Variants in ST3GAL2 observed in about 807,000 individuals in gnomAD.
ST3GAL2 encodes the protein ST3 beta-galactoside alpha-2,3-sialyltransferase 2.
In ST3GAL2, 16 loss-of-function variants were observed where a neutral mutation model predicts 37.5. That is an observed-to-expected ratio of 0.43 (90% CI 0.29 to 0.65). ST3GAL2 has a LOEUF of 0.65. Ranked by LOEUF, ST3GAL2 falls within the 30% of genes least tolerant of loss-of-function variation. The probability of loss-of-function intolerance (pLI) is 0.17; values close to 1 mark genes in which losing one functional copy is unlikely to be tolerated. For synonymous variants in ST3GAL2, 238 were observed against 202.9 expected (o/e 1.17, Z -1.47); for missense variants, 383 against 487.8 (o/e 0.79, Z 2.02).
intron 1 of ST3GAL2, among the ~76,000 whole-genome samples, chr16:70,401,713 G>T (rs967018438): frequency 2.6e-5 from 4 of 152,068 alleles, no homozygotes; most frequent in African/African-American, 7.2e-5. Context: ...CTCGGAGGAG[G>T]CAGGCCCAAT....
At chr16:70,415,862 G>A (rs1011008537) in intron 1 of ST3GAL2, among the ~76,000 whole-genome samples, 5 of 117,606 alleles carry the variant, frequency 4.3e-5, no homozygotes, top group Non-Finnish European at 8.6e-5. Flanking sequence ...CGCAACCTCC[G>A]CCTCCCGGGT....
chr16:70,379,762 C>CA lies in ST3GAL2; in HGVS notation c.*1926dup, dbSNP rs2047382210. 6.6e-6 allele frequency: 1 copy of CA among 151,870 alleles called. No individual in the cohort carries two copies. Among genetic ancestry groups the CA allele is most frequent in the Non-Finnish European group, 1.5e-5 (1 of 68,056 alleles). 9.4% of individuals were successfully genotyped at this position (151,870 alleles called of 1,614,324 possible). On this transcript the variant is annotated 3_prime_UTR_variant, in exon 7 of 7. Coordinates refer to ENST00000342907, the MANE Select transcript of ST3GAL2 (RefSeq NM_006927.4). ...TCAGCCTTCCAAGTAGCTGGGATTA[C>CA]AGGTGCGCACCACTGCGCCTGGCTA...
In ST3GAL2 at chr16:70,396,119, G is replaced by A. The variant is rs1047120348; in HGVS notation, c.340-944C>T. ...CCCGAGTAGCTGCAATTACAGGCAT[G>A]CTTCACCATACCCTACTAATTTTGT... On this transcript the variant is annotated intron_variant, in intron 2 of 6. Coordinates refer to ENST00000342907, the MANE Select transcript of ST3GAL2 (RefSeq NM_006927.4). Among the ~76,000 whole-genome samples, 4 of 151,972 alleles carry A rather than the reference G, an allele frequency of 2.6e-5. No individual in the cohort carries two copies. The South Asian group carries it at 8.3e-4, about 32-fold the overall frequency.
At chr16:70,388,284 G>A in intron 4 of ST3GAL2, 83 bp downstream of exon 4, 1 of 1,560,740 alleles carries the variant, frequency 6.4e-7, no homozygotes, top group Non-Finnish European at 8.7e-7. Flanking sequence ...TCAATGAAAG[G>A]AATCCTACAA....
chr16:70,376,945 C>A lies in ST3GAL2; in HGVS notation c.*4744G>T, dbSNP rs1054862964. The A allele has an allele frequency of 2.0e-5, 3 of 151,604 alleles. No homozygotes were observed. The highest frequency in any genetic ancestry group is 2.0e-4 in the East Asian group (1 of 5,110). The allele number at this position is 151,604 out of a possible 1,614,324, so 9.4% of individuals were successfully genotyped here. On this transcript the variant is annotated 3_prime_UTR_variant, in exon 7 of 7. Coordinates refer to ENST00000342907, the MANE Select transcript of ST3GAL2 (RefSeq NM_006927.4). ...TTTAGTAGAGACGGGGTTTCACCAT[C>A]TTGGCCAGGCTGGTCTTGAACTCCT... is the stretch of plus-strand genomic sequence containing the variant.
intron 1 of ST3GAL2, among the ~76,000 whole-genome samples, chr16:70,403,627 C>A (rs1013967581): frequency 1.3e-5 from 2 of 152,222 alleles, no homozygotes; most frequent in Non-Finnish European, 2.9e-5. Flanking sequence ...TCCTGGCCAA[C>A]ATGGCGAAAC....
chr16:70,397,288 G>T (rs184177923), intron 2 of ST3GAL2, among the ~76,000 whole-genome samples: 2 of 150,836 alleles, frequency 1.3e-5, no homozygotes, highest in Admixed American at 1.3e-4. Context: ...TGATCCGTCC[G>T]CCCTGTGCTC....
At chr16:70,417,524 C>T (rs1024800800) in intron 1 of ST3GAL2, among the ~76,000 whole-genome samples, 21 of 152,262 alleles carry the variant, frequency 1.4e-4, no homozygotes, top group African/African-American at 4.8e-4. Context: ...AGAGGCCTGA[C>T]CTGAGCTGGC....
At chr16:70,388,790 G>T (rs945518536) in intron 3 of ST3GAL2, among the ~76,000 whole-genome samples, 3 of 151,984 alleles carry the variant, frequency 2.0e-5, no homozygotes, top group Non-Finnish European at 2.9e-5. Context: ...GGCCAGGTGT[G>T]GTGGCTCACA....
intron 2 of ST3GAL2, 124 bp downstream of exon 2, chr16:70,398,068 T>C (rs2047528994): frequency 3.0e-6 from 3 of 984,562 alleles, no homozygotes; most frequent in Admixed American, 5.2e-5. Context: ...TAATCTGTGA[T>C]CCTATAAATG....
intron 1 of ST3GAL2, among the ~76,000 whole-genome samples, chr16:70,425,762 G>T (rs1285918657): frequency 6.6e-6 from 1 of 152,126 alleles, no homozygotes; most frequent in Non-Finnish European, 1.5e-5. Context: ...ATGCAGAAGG[G>T]CTGCCCTGAA....
Position 70,407,016 on chromosome 16 carries a change from A to G in ST3GAL2, c.-1003-7483T>C, listed in dbSNP as rs1188392281. On this transcript the variant is annotated intron_variant, in intron 1 of 6. Coordinates refer to ENST00000342907, the MANE Select transcript of ST3GAL2 (RefSeq NM_006927.4). ...CAGGTGGCAAAGCCGAGCAAGCGGCACAGACAGTGAGGAGTGTCCCTTTAT... is the reference window on the plus strand; with the variant it reads ...CAGGTGGCAAAGCCGAGCAAGCGGCGCAGACAGTGAGGAGTGTCCCTTTAT... Among the ~76,000 whole-genome samples, 3 of 152,310 alleles carry G rather than the reference A, an allele frequency of 2.0e-5. No individual in the cohort carries two copies. In the East Asian group the frequency reaches 5.8e-4, roughly 29 times the overall value.
At chr16:70,404,541 A>G (rs933148240) in intron 1 of ST3GAL2, among the ~76,000 whole-genome samples, 20 of 152,176 alleles carry the variant, frequency 1.3e-4, no homozygotes, top group African/African-American at 4.8e-4. Flanking sequence ...CAAGACAGAT[A>G]ATAACCAGTG....
intron 6 of ST3GAL2, 124 bp downstream of exon 6, chr16:70,382,681 G>C: frequency 6.9e-7 from 1 of 1,452,800 alleles, no homozygotes; most frequent in Non-Finnish European, 9.3e-7. Context: ...AGAGATGGGG[G>C]AAACCAAGGC....
intron 1 of ST3GAL2, among the ~76,000 whole-genome samples, chr16:70,435,613 A>C (rs1003205581): frequency 1.3e-5 from 2 of 150,178 alleles, no homozygotes; most frequent in African/African-American, 4.9e-5. Context: ...AATAAAATAA[A>C]AAATAAAATA....
chr16:70,393,993 G>A (rs943411593), intron 3 of ST3GAL2, among the ~76,000 whole-genome samples: 28 of 152,244 alleles, frequency 1.8e-4, no homozygotes, highest in African/African-American at 6.5e-4. Flanking sequence ...CAAGGAGTCG[G>A]GTAGGAGGCA....
At position 70,414,628 on chromosome 16, in the gene ST3GAL2, G is replaced by A. The variant is rs527810089; in HGVS notation, c.-1003-15095C>T. ...CAGGAGCCAAATTCTAGTCTAGACT[G>A]TTACCAAGCAGCCAAGCAGGTTACT... is the stretch of plus-strand genomic sequence containing the variant. On this transcript the variant is annotated intron_variant, in intron 1 of 6. Transcript: ENST00000342907. Among the ~76,000 whole-genome samples, 4 of 152,278 alleles carry A rather than the reference G, an allele frequency of 2.6e-5. No homozygotes were observed. In the East Asian group the frequency reaches 7.7e-4, roughly 29 times the overall value.
chr16:70,389,261 G>A (rs2047465953), intron 3 of ST3GAL2, among the ~76,000 whole-genome samples: 1 of 138,026 alleles, frequency 7.2e-6, no homozygotes, highest in African/African-American at 2.7e-5. Context: ...TAACATTGGG[G>A]GCTTAACTCA....
chr16:70,391,720 C>T (rs576021966), intron 3 of ST3GAL2, among the ~76,000 whole-genome samples: 19 of 152,312 alleles, frequency 1.2e-4, no homozygotes, highest in African/African-American at 3.8e-4. Context: ...GCTGGTGACA[C>T]AGGCTGGCCG....
Sources: allele counts gnomAD v4.1 joint callset (sites outside exome capture counted in the v4.1 genomes callset), GRCh38; gene constraint gnomAD v4.1.1; transcripts MANE v1.5; gene names NCBI Gene and HGNC (gene_info 2026-07-23, HGNC 2026-07-21).